The following C10orf90 variants were observed in gnomAD, a reference collection of about 807,000 sequenced individuals.
C10orf90 encodes the protein (E2-independent) E3 ubiquitin-conjugating enzyme FATS.
Under a neutral mutation model 62.5 loss-of-function variants are expected in C10orf90, and 56 were observed. The observed-to-expected ratio is 0.90, with a 90% CI of 0.72 to 1.12. The LOEUF is 1.12. Ranked by LOEUF, C10orf90 falls within the 50% of genes most tolerant of loss-of-function variation. The pLI is 0.00. For synonymous variants in C10orf90, 386 were observed against 340.4 expected (o/e 1.13, Z -1.47); for missense variants, 970 against 880.4 (o/e 1.10, Z -1.29).
chr10:126,485,366 C>A (rs1030793776), intron 4 of C10orf90, among the ~76,000 whole-genome samples: 10 of 152,134 alleles, frequency 6.6e-5, no homozygotes, highest in Non-Finnish European at 2.9e-5. Context: ...CATTAATAGA[C>A]TAAGACATCC....
rs375676722 is a variant in C10orf90 at position 126,476,338 on chromosome 10, C to A, written c.1535-11352G>T. On this transcript the variant is annotated intron_variant, in intron 4 of 9. Transcript: ENST00000488181. Reference sequence around the variant, plus strand: ...CACGTGGCCCTGTGTGCATCTCCTTCTAAGAATACTGCGCCCTTTGAAGAA... The same window carrying A: ...CACGTGGCCCTGTGTGCATCTCCTTATAAGAATACTGCGCCCTTTGAAGAA... Among the ~76,000 whole-genome samples the A allele has an allele frequency of 2.3e-3, 355 of 152,360 alleles. 13 individuals carry two copies. The South Asian group carries it at 0.068, about 29-fold the overall frequency.
intron 2 of C10orf90, among the ~76,000 whole-genome samples, chr10:126,638,442 C>T (rs1320703669): frequency 6.6e-6 from 1 of 152,096 alleles, no homozygotes; most frequent in Non-Finnish European, 1.5e-5. Flanking sequence ...CTCACCATGC[C>T]CCTAGGAGCC....
At chr10:126,638,464 T>G (rs574853221) in intron 2 of C10orf90, among the ~76,000 whole-genome samples, 36 of 152,184 alleles carry the variant, frequency 2.4e-4, no homozygotes, top group Middle Eastern at 3.4e-3. Flanking sequence ...AGTCTCAACT[T>G]TCTGTCACAC....
At chr10:126,486,322 A>C (rs1487462352) in intron 4 of C10orf90, among the ~76,000 whole-genome samples, 1 of 152,236 alleles carries the variant, frequency 6.6e-6, no homozygotes, top group East Asian at 1.9e-4. Context: ...AAGCATGGAA[A>C]TCCCATCTGA....
intron 1 of C10orf90, among the ~76,000 whole-genome samples, chr10:126,651,198 T>A (rs1846284683): frequency 6.6e-6 from 1 of 152,190 alleles, no homozygotes; most frequent in Non-Finnish European, 1.5e-5. Flanking sequence ...TTTTTGTTGT[T>A]TCCTGACTCT....
intron 2 of C10orf90, among the ~76,000 whole-genome samples, chr10:126,605,032 G>A (rs1845276958): frequency 6.6e-6 from 1 of 152,214 alleles, no homozygotes; most frequent in South Asian, 2.1e-4. Flanking sequence ...GAAATGGATT[G>A]CACACATTCA....
At chr10:126,465,683 G>A (rs1041103233) in intron 4 of C10orf90, among the ~76,000 whole-genome samples, 7 of 152,136 alleles carry the variant, frequency 4.6e-5, no homozygotes, top group Non-Finnish European at 8.8e-5. Context: ...GTTTAAAGAC[G>A]TGTACAACAT....
chr10:126,655,834 C>CAAAAAAAAAAA (rs1195360598), intron 1 of C10orf90, among the ~76,000 whole-genome samples: 2 of 126,506 alleles, frequency 1.6e-5, no homozygotes, highest in African/African-American at 5.5e-5. Flanking sequence ...CAAAACAAAA[C>CAAAAAAAAAAA]AAAACAAAAA....
chr10:126,644,389 G>A (rs761020115), intron 2 of C10orf90, among the ~76,000 whole-genome samples: 1 of 152,214 alleles, frequency 6.6e-6, no homozygotes, highest in African/African-American at 2.4e-5. Context: ...AACCTTGCGG[G>A]AAGACACAGA....
intron 8 of C10orf90, among the ~76,000 whole-genome samples, chr10:126,426,505 C>T (rs1857274109): frequency 6.6e-6 from 1 of 152,184 alleles, no homozygotes; most frequent in South Asian, 2.1e-4. Flanking sequence ...CAATGTTTGC[C>T]TTCCTGTGAC....
chr10:126,464,659 A>G lies in C10orf90; in HGVS notation c.1825+37T>C. The G allele has an allele frequency of 2.5e-6, 4 of 1,572,098 alleles. No homozygotes were observed. In the South Asian group the frequency reaches 3.5e-5, roughly 14 times the overall value. ...ATCAACAAATTTTTATCGAATGTCAAGACCAAATGATGTCACCCACCACCC... is the reference window on the plus strand; with the variant it reads ...ATCAACAAATTTTTATCGAATGTCAGGACCAAATGATGTCACCCACCACCC... On this transcript the variant is annotated intron_variant, in intron 5 of 9. Transcript: ENST00000488181.
chr10:126,476,807 T>G (rs1860896872), intron 4 of C10orf90, among the ~76,000 whole-genome samples: 1 of 152,160 alleles, frequency 6.6e-6, no homozygotes, highest in South Asian at 2.1e-4. Context: ...CTTAACTGCT[T>G]CTTGAAAGCT....
In C10orf90 at chr10:126,456,298, C is replaced by G. The variant is rs1277943372; in HGVS notation, c.2188+2742G>C. Among the ~76,000 whole-genome samples the G allele has an allele frequency of 2.6e-5, 4 of 152,088 alleles. No homozygotes were observed. Among genetic ancestry groups the G allele is most frequent in the Non-Finnish European group, 4.4e-5 (3 of 68,024 alleles). On this transcript the variant is annotated intron_variant, in intron 7 of 9. Transcript: ENST00000488181. The surrounding 1 kb of genome is among the most constrained non-coding windows in gnomAD (Gnocchi z 4.9). ...TTCACTGACCTAACACAAACGAACC[C>G]AAAAGTAAAGCTCTCATCGACACAT...
At chr10:126,593,377 T>C (rs1218530531) in intron 2 of C10orf90, among the ~76,000 whole-genome samples, 2 of 152,186 alleles carry the variant, frequency 1.3e-5, no homozygotes, top group Non-Finnish European at 2.9e-5. Flanking sequence ...CAAAATCATG[T>C]CCTTTGCAGG....
chr10:126,429,423 C>A lies in C10orf90; in HGVS notation c.2252+364G>T, dbSNP rs566970165. On this transcript the variant is annotated intron_variant, in intron 8 of 9. Coordinates refer to ENST00000488181, the MANE Select transcript of C10orf90 (RefSeq NM_001350921.2). ...TCCAGACCCTTAGGAGAAATAGTTT[C>A]TCTCCTCCTCATAAAGTTACCTTCA... is the stretch of plus-strand genomic sequence containing the variant. Among the ~76,000 whole-genome samples the A allele has an allele frequency of 4.6e-5, 7 of 152,292 alleles. No homozygotes were observed. In the South Asian group the frequency reaches 8.3e-4, roughly 18 times the overall value.
intron 4 of C10orf90, among the ~76,000 whole-genome samples, chr10:126,466,830 C>T (rs1186677200): frequency 2.6e-5 from 4 of 152,210 alleles, no homozygotes; most frequent in Admixed American, 6.5e-5. Context: ...CATTTGGAGA[C>T]GTTTGACTAC....
intron 2 of C10orf90, among the ~76,000 whole-genome samples, chr10:126,579,457 T>C (rs1365806278): frequency 6.6e-6 from 1 of 151,936 alleles, no homozygotes; most frequent in Admixed American, 6.6e-5. Flanking sequence ...GCCAGGCTGG[T>C]CTCGAACTCC....
chr10:126,573,744 C>T (rs1276709469), intron 2 of C10orf90, among the ~76,000 whole-genome samples: 1 of 152,184 alleles, frequency 6.6e-6, no homozygotes, highest in Admixed American at 6.5e-5. Context: ...GCTGTTGTTT[C>T]CCTGACTGAT....
chr10:126,562,382 C>A (rs916761084), intron 2 of C10orf90, among the ~76,000 whole-genome samples: 2 of 152,214 alleles, frequency 1.3e-5, no homozygotes. Context: ...CTTCTTCCCT[C>A]ACCAAGACGA....
Sources: gnomAD v4.1 joint callset for allele counts (sites outside exome capture counted in the v4.1 genomes callset) on GRCh38, gnomAD v4.1.1 for gene constraint, Gnocchi (gnomAD v3.1) non-coding constraint, MANE v1.5 for transcripts, NCBI Gene and HGNC (gene_info 2026-07-23, HGNC 2026-07-21) for gene names.